Variants in CHST6 observed in about 807,000 individuals in gnomAD.
CHST6 encodes N-acetylglucosamine 6-O-sulfotransferase 5.
For missense variants in CHST6, 698 were observed against 586.2 expected (o/e 1.19, Z -1.97); for synonymous variants, 309 against 276.4 (o/e 1.12, Z -1.17).
In CHST6 at chr16:75,479,486, G is replaced by C. The variant is rs375560344; in HGVS notation, c.343C>G (p.Arg115Gly). ...CACTGGAAGAGGTCGGACAGGTTGC[G>C]GCGCCAAGGCAGATAGGCATCAAAC... ...DVFDAYLPWR[R>G]NLSDLFQWAV... is the part of the protein sequence containing the mutation. The change falls in exon 3 of 3, where the codon CGC (arginine) becomes GGC (glycine). Residue 115 changes from arginine to glycine, a missense_variant. Transcript: ENST00000332272. The C allele has an allele frequency of 6.2e-7, 1 of 1,612,826 alleles. No homozygotes were observed. The highest frequency in any genetic ancestry group is 1.3e-5 in the African/African-American group (1 of 74,916).
rs552024124 is a variant in CHST6 at position 75,478,189 on chromosome 16, C to T, written c.*452G>A. The T allele has an allele frequency of 4.8e-5, 10 of 208,060 alleles. No homozygotes were observed. The highest frequency in any genetic ancestry group is 1.8e-4 in the African/African-American group (8 of 43,430). 12.9% of individuals were successfully genotyped at this position (208,060 alleles called of 1,614,324 possible). ...GATTTCAGACAAGTCCTTTCACTTC[C>T]GAGTTTTGCCATGTGTGCCTGTGTG... is the stretch of plus-strand genomic sequence containing the variant. On this transcript the variant is annotated 3_prime_UTR_variant, in exon 3 of 3. Coordinates refer to ENST00000332272, the MANE Select transcript of CHST6 (RefSeq NM_021615.5).
intron 1 of CHST6, among the ~76,000 whole-genome samples, chr16:75,493,286 GGA>G (rs1423905993): frequency 6.6e-6 from 1 of 151,920 alleles, no homozygotes. Flanking sequence ...TGAGGAGGGC[GGA>G]TCACGAGGTC....
At chr16:75,491,190 A>AAAAAAAATAT (rs1206595857) in intron 1 of CHST6, among the ~76,000 whole-genome samples, 12 of 50,090 alleles carry the variant, frequency 2.4e-4, no homozygotes, top group Admixed American at 7.3e-4. Context: ...AAAAAAAAAA[A>AAAAAAAATAT]ATATATATAT....
rs1168619782 is a variant in CHST6, at chr16:75,491,165, TAAAAA to T, written c.-92+3770_-92+3774del. Among the ~76,000 whole-genome samples, 215 of 26,284 alleles carry T rather than the reference TAAAAA, an allele frequency of 8.2e-3. 1 individual carries two copies. The highest frequency in any genetic ancestry group is 0.022 in the African/African-American group (182 of 8,442). 17.2% of individuals were successfully genotyped at this position (26,284 alleles called of 152,430 possible). A position where few individuals can be genotyped will look rare whatever the true frequency, so the allele number is the denominator to read the frequency against. On this transcript the variant is annotated intron_variant, in intron 1 of 2. Transcript: ENST00000332272. Reference sequence around the variant, plus strand: ...GGGTGACAAGAGTGAAACTCCGTCTTAAAAAAAAAAAAAAAAAAAAAAAAAATATA... The same window carrying T: ...GGGTGACAAGAGTGAAACTCCGTCTTAAAAAAAAAAAAAAAAAAAAATATA...
At chr16:75,493,931 G>A (rs762065417) in intron 1 of CHST6, among the ~76,000 whole-genome samples, 64 of 152,234 alleles carry the variant, frequency 4.2e-4, no homozygotes, top group African/African-American at 1.4e-3. Context: ...TGCAACCTCC[G>A]CCTCCTGGGT....
At chr16:75,488,172 T>C (rs2080221187) in intron 1 of CHST6, among the ~76,000 whole-genome samples, 1 of 152,036 alleles carries the variant, frequency 6.6e-6, no homozygotes, top group Non-Finnish European at 1.5e-5. Flanking sequence ...TGTTCGAGAA[T>C]CCCAAAGCCA....
chr16:75,488,345 T>C lies in CHST6; in HGVS notation c.-91-6454A>G, dbSNP rs538819522. On this transcript the variant is annotated intron_variant, in intron 1 of 2. Coordinates refer to ENST00000332272, the MANE Select transcript of CHST6 (RefSeq NM_021615.5). The stretch of plus-strand genomic sequence containing the variant: ...CACCATGGTGGCAGGTGCCTATTTG[T>C]AACCCCAGCTACTCCAGAGGCTGAG... Among the ~76,000 whole-genome samples, 7 of 152,170 alleles carry C rather than the reference T, an allele frequency of 4.6e-5. No homozygotes were observed. The East Asian group carries it at 1.4e-3, about 29-fold the overall frequency.
chr16:75,487,293 G>A (rs976898805), intron 1 of CHST6, among the ~76,000 whole-genome samples: 2 of 152,182 alleles, frequency 1.3e-5, no homozygotes, highest in Non-Finnish European at 2.9e-5. Context: ...GTTTTCCATA[G>A]CAGGGTTGAG....
At position 75,477,760 on chromosome 16, in the gene CHST6, C is replaced by G. The variant is rs1238317458; in HGVS notation, c.*881G>C. On this transcript the variant is annotated 3_prime_UTR_variant, in exon 3 of 3. Transcript: ENST00000332272. ...CCAGAAGGACCAAGGGAAGACAGTT[C>G]CAGCCCAGAGCCATTTCCCTTCCAA... 2.0e-5 allele frequency: 3 copies of G among 152,552 alleles called. No individual in the cohort carries two copies. The highest frequency in any genetic ancestry group is 7.2e-5 in the African/African-American group (3 of 41,470). 9.4% of individuals were successfully genotyped at this position (152,552 alleles called of 1,614,324 possible). A position where few individuals can be genotyped will look rare whatever the true frequency, so the allele number is the denominator to read the frequency against.
At chr16:75,488,404 T>C (rs943837131) in intron 1 of CHST6, among the ~76,000 whole-genome samples, 1 of 150,208 alleles carries the variant, frequency 6.7e-6, no homozygotes, top group Non-Finnish European at 1.5e-5. Context: ...GAGGTGGAGG[T>C]TGCAGTGAGC....
At position 75,478,035 on chromosome 16, in the gene CHST6, C is replaced by T. The variant is rs117741124; in HGVS notation, c.*606G>A. Reference sequence around the variant, plus strand: ...AGCTGTGTCCCTGGTCATGACTCTGCTTGCTCTTCCCTAAAGCAATTAAAA... The same window carrying T: ...AGCTGTGTCCCTGGTCATGACTCTGTTTGCTCTTCCCTAAAGCAATTAAAA... On this transcript the variant is annotated 3_prime_UTR_variant, in exon 3 of 3. Transcript: ENST00000332272. The T allele has an allele frequency of 6.8e-3, 1,098 of 162,084 alleles. 10 individuals carry two copies. The highest frequency in any genetic ancestry group is 0.023 in the South Asian group (138 of 5,890). The allele number at this position is 162,084 out of a possible 1,614,324, so 10.0% of individuals were successfully genotyped here. A position where few individuals can be genotyped will look rare whatever the true frequency, so the allele number is the denominator to read the frequency against.
intron 1 of CHST6, among the ~76,000 whole-genome samples, chr16:75,488,959 C>A (rs953966670): frequency 2.0e-5 from 3 of 151,976 alleles, no homozygotes; most frequent in Non-Finnish European, 4.4e-5. Flanking sequence ...GGGGCAGGAA[C>A]AAGGAACCCC....
intron 1 of CHST6, among the ~76,000 whole-genome samples, chr16:75,491,211 AT>A (rs1567416165): frequency 6.8e-5 from 9 of 132,994 alleles, no homozygotes; most frequent in African/African-American, 2.2e-4. Flanking sequence ...ATATATATAT[AT>A]ATATATAAAA....
At chr16:75,493,444 G>C (rs2151675541) in intron 1 of CHST6, among the ~76,000 whole-genome samples, 1 of 151,274 alleles carries the variant, frequency 6.6e-6, no homozygotes, top group Admixed American at 6.6e-5. Context: ...GGGATGCGGA[G>C]AGGTTGCAGT....
rs1433334069 is a variant in CHST6 at position 75,473,591 on chromosome 16, T to C, written c.*5050A>G. The stretch of plus-strand genomic sequence containing the variant: ...GAAAAGTTCAGGTTTCCCTCCCCTT[T>C]TCTGCCTAAAGGCACGATATAAACT... On this transcript the variant is annotated 3_prime_UTR_variant, in exon 3 of 3. Transcript: ENST00000332272. 6.6e-6 allele frequency: 1 copy of C among 152,182 alleles called. No homozygotes were observed. Among genetic ancestry groups the C allele is most frequent in the Non-Finnish European group, 1.5e-5 (1 of 68,026 alleles). 9.4% of individuals were successfully genotyped at this position (152,182 alleles called of 1,614,324 possible).
At chr16:75,490,795 C>T (rs540496439) in intron 1 of CHST6, 6 of 152,090 alleles carry the variant, frequency 3.9e-5, no homozygotes, top group Non-Finnish European at 8.8e-5. Context: ...CACATGAAAA[C>T]CTGCTCATGA....
chr16:75,488,683 G>GAACATAA (rs1215673000), intron 1 of CHST6, among the ~76,000 whole-genome samples: 1 of 151,668 alleles, frequency 6.6e-6, no homozygotes, highest in Non-Finnish European at 1.5e-5. Flanking sequence ...ATAAAGCAGG[G>GAACATAA]AACATAAAAC....
rs1434275689 is a variant in CHST6 at position 75,472,187 on chromosome 16, A to G, written c.*6454T>C. The G allele has an allele frequency of 6.6e-6, 1 of 152,224 alleles. No homozygotes were observed. The highest frequency in any genetic ancestry group is 1.5e-5 in the Non-Finnish European group (1 of 68,046). 9.4% of individuals were successfully genotyped at this position (152,224 alleles called of 1,614,324 possible). ...TGAAACTTTTTGAAATTTGATTGTG[A>G]TGAGGTGGTGATTTGATTTCACAGG... On this transcript the variant is annotated 3_prime_UTR_variant, in exon 3 of 3. Coordinates refer to ENST00000332272, the MANE Select transcript of CHST6 (RefSeq NM_021615.5).
chr16:75,491,108 TG>T (rs2080247334), intron 1 of CHST6, among the ~76,000 whole-genome samples: 1 of 134,378 alleles, frequency 7.4e-6, no homozygotes. Context: ...GAGTTTGCAG[TG>T]AGCTGAAATC....
Sources: gnomAD v4.1 joint callset for allele counts (sites outside exome capture counted in the v4.1 genomes callset) on GRCh38, gnomAD v4.1.1 for gene constraint, MANE v1.5 for transcripts, NCBI Gene and HGNC (gene_info 2026-07-23, HGNC 2026-07-21) for gene names.